The following DST variants were observed in gnomAD, a reference collection of about 807,000 sequenced individuals.
DST encodes dystonin.
Under a neutral mutation model 875.2 loss-of-function variants are expected in DST, and 253 were observed. The observed-to-expected ratio is 0.29, with a 90% CI of 0.26 to 0.32. DST has a LOEUF of 0.32. DST is among the 10% of genes least tolerant of loss of function. DST has a pLI of 1.00. For missense variants in DST, 8,287 were observed against 9,111.6 expected, an observed-to-expected ratio of 0.91 and a Z score of 3.68; for synonymous variants, 3,124 against 3,197.1, an observed-to-expected ratio of 0.98 and a Z score of 0.77.
Position 56,532,455 on chromosome 6 carries a change from T to C in DST, c.16997A>G (p.Glu5666Gly). Reference protein sequence around the residue: ...RKSTVEVIKREGEKIATTAEP... With the variant: ...RKSTVEVIKRGGEKIATTAEP... ...TGCTGTTGTAGCAATTTTTTCTCCT[T>C]CTCGTTTGATTACCTCCACCGTAGA... The change falls in exon 64 of 104, where the codon GAA (glutamate) becomes GGA (glycine). Residue 5666 changes from glutamate to glycine, a missense_variant. By Grantham distance (98) the Glu-to-Gly change is moderately conservative. Around this residue, in one of 10 missense-constraint regions of DST, gnomAD observed 777 missense variants for 764.8 expected, o/e 1.02. Transcript: ENST00000680361. The C allele has an allele frequency of 6.2e-7, 1 of 1,611,574 alleles. No individual in the cohort carries two copies. The highest frequency in any genetic ancestry group is 8.5e-7 in the Non-Finnish European group (1 of 1,178,686).
chr6:56,691,239 T>C (rs2099226645), intron 9 of DST, among the ~76,000 whole-genome samples: 1 of 152,210 alleles, frequency 6.6e-6, no homozygotes, highest in Non-Finnish European at 1.5e-5. Context: ...CAAGTAGTTT[T>C]CTTTTGCACT....
chr6:56,661,744 G>T (rs1219697032), intron 10 of DST, among the ~76,000 whole-genome samples: 2 of 151,962 alleles, frequency 1.3e-5, no homozygotes, highest in African/African-American at 2.4e-5. Flanking sequence ...CTGCCACCAG[G>T]CCTGGCTAAC....
chr6:56,785,385 C>T (rs992059721), intron 4 of DST, among the ~76,000 whole-genome samples: 2 of 152,220 alleles, frequency 1.3e-5, no homozygotes, highest in African/African-American at 2.4e-5. Context: ...TTCCAGGCTG[C>T]TTTGTTTACC....
intron 4 of DST, among the ~76,000 whole-genome samples, chr6:56,748,782 C>T (rs1255595200): frequency 1.3e-5 from 2 of 152,098 alleles, no homozygotes; most frequent in Non-Finnish European, 2.9e-5. Flanking sequence ...GAATTTGGCC[C>T]GGATATTCTA....
chr6:56,875,158 G>A (rs1779114134), intron 3 of DST, among the ~76,000 whole-genome samples: 1 of 152,000 alleles, frequency 6.6e-6, no homozygotes, highest in Non-Finnish European at 1.5e-5. Flanking sequence ...TAATTTTTTT[G>A]TATTTTTAAT....
At chr6:56,650,208 G>A (rs1025668422) in intron 12 of DST, among the ~76,000 whole-genome samples, 5 of 151,714 alleles carry the variant, frequency 3.3e-5, no homozygotes, top group Non-Finnish European at 7.4e-5. Flanking sequence ...GGGAAAAAAG[G>A]TGTCTGCAAA....
At chr6:56,891,109 T>C (rs1475854319) in intron 3 of DST, among the ~76,000 whole-genome samples, 2 of 152,200 alleles carry the variant, frequency 1.3e-5, no homozygotes, top group African/African-American at 2.4e-5. Flanking sequence ...TTCAAGCTCA[T>C]ATATGGCATT....
chr6:56,814,331 CTAAA>C (rs1032137891), intron 4 of DST, among the ~76,000 whole-genome samples: 1 of 152,080 alleles, frequency 6.6e-6, no homozygotes, highest in Non-Finnish European at 1.5e-5. Flanking sequence ...CTATTGCTCA[CTAAA>C]TAAATAAAAA....
intron 4 of DST, among the ~76,000 whole-genome samples, chr6:56,754,862 G>A (rs958513519): frequency 6.6e-6 from 1 of 152,004 alleles, no homozygotes; most frequent in Non-Finnish European, 1.5e-5. Context: ...CATAAGTCCT[G>A]AATAATTTCA....
chr6:56,541,585 T>G (rs917807415), intron 61 of DST: 4 of 152,764 alleles, frequency 2.6e-5, no homozygotes, highest in African/African-American at 9.7e-5. Context: ...TGCAGATAGT[T>G]AAAACAAATA....
chr6:56,607,612 C>A lies in DST; in HGVS notation c.7016G>T (p.Cys2339Phe). The stretch of plus-strand genomic sequence containing the variant: ...TAAATATGATATGAGACTGGGAACA[C>A]ACACACTGGGTGAACTGTTAACTTT... ...DPKVNSSPSV[C>F]VPSLISYLTQ... Residue 2339 changes from cysteine (C) to phenylalanine (F), a missense_variant, in exon 40 of 104, where the codon TGT becomes TTT. Coordinates refer to ENST00000680361, the MANE Select transcript of DST (RefSeq NM_001374736.1). The A allele has an allele frequency of 1.9e-6, 3 of 1,613,218 alleles. No homozygotes were observed. Among genetic ancestry groups the A allele is most frequent in the Non-Finnish European group, 2.5e-6 (3 of 1,179,556 alleles).
chr6:56,671,158 A>G (rs189866969), intron 9 of DST, among the ~76,000 whole-genome samples: 2 of 152,348 alleles, frequency 1.3e-5, no homozygotes, highest in East Asian at 1.9e-4. Flanking sequence ...AGATTGAAAA[A>G]GTCAGATTTA....
At chr6:56,553,927 A>C (rs2097360011) in intron 60 of DST, among the ~76,000 whole-genome samples, 1 of 152,124 alleles carries the variant, frequency 6.6e-6, no homozygotes, top group South Asian at 2.1e-4. Context: ...AAAATGCATC[A>C]AGGTGCAGGG....
chr6:56,477,607 A>G (rs2095252408), intron 90 of DST, 119 bp from the exon 91 acceptor site: 1 of 1,300,720 alleles, frequency 7.7e-7, no homozygotes. Context: ...TGGTTTATTC[A>G]CAGTGAAAAT....
chr6:56,692,582 A>G (rs2152861107), intron 9 of DST: 1 of 1,289,708 alleles, frequency 7.8e-7, no homozygotes, highest in Admixed American at 2.3e-5. Context: ...TCTATACCCG[A>G]GGGAATAGAG....
intron 92 of DST, among the ~76,000 whole-genome samples, chr6:56,475,555 A>C (rs148492636): frequency 2.5e-4 from 38 of 152,310 alleles, no homozygotes; most frequent in Non-Finnish European, 2.1e-4. Context: ...GACACCCATC[A>C]TTTGAGTTTA....
intron 8 of DST, among the ~76,000 whole-genome samples, chr6:56,700,620 A>T (rs931224441): frequency 6.6e-6 from 1 of 152,206 alleles, no homozygotes; most frequent in South Asian, 2.1e-4. Flanking sequence ...CTTAAAGCTT[A>T]TCAACTGTCA....
At chr6:56,624,399 A>C (rs779340434) in intron 36 of DST, 131 bp downstream of exon 36, 7 of 716,284 alleles carry the variant, frequency 9.8e-6, no homozygotes, top group Non-Finnish European at 1.8e-5. Flanking sequence ...ATAATTCAAT[A>C]TTTATTTGTA....
chr6:56,624,675 T>G (rs1357614835), intron 35 of DST, 47 bp from the exon 36 acceptor site: 18 of 1,273,876 alleles, frequency 1.4e-5, no homozygotes, highest in Non-Finnish European at 2.1e-5. Flanking sequence ...CCAGTTACTC[T>G]TACTAAGTTG....
Sources: allele counts gnomAD v4.1 joint callset (sites outside exome capture counted in the v4.1 genomes callset), GRCh38; gene constraint gnomAD v4.1.1; regional missense constraint gnomAD v4.1.1; transcripts MANE v1.5; gene names NCBI Gene and HGNC (gene_info 2026-07-23, HGNC 2026-07-21).